ARHGEF3: variants seen among roughly 807,000 people sequenced by gnomAD.
ARHGEF3 encodes the protein 59.8 kDA protein.
ARHGEF3 carries 28 observed loss-of-function variants against 63.2 expected under a neutral mutation model. The observed-to-expected ratio is 0.44, with a 90% CI of 0.33 to 0.61. ARHGEF3 has a LOEUF of 0.61. Ranked by LOEUF, ARHGEF3 falls within the 20% of genes least tolerant of loss-of-function variation. The probability of loss-of-function intolerance (pLI) is 0.03; values close to 1 mark genes in which losing one functional copy is unlikely to be tolerated. For missense variants in ARHGEF3, 533 were observed against 659.3 expected (o/e 0.81, Z 2.10); for synonymous variants, 266 against 254.2 (o/e 1.05, Z -0.44).
chr3:57,076,376 A>G (rs537698243), intron 1 of ARHGEF3, among the ~76,000 whole-genome samples: 72 of 152,296 alleles, frequency 4.7e-4, no homozygotes, highest in African/African-American at 1.6e-3. Flanking sequence ...ATGGCAGAGA[A>G]CTTTAGAGAT....
intron 3 of ARHGEF3, among the ~76,000 whole-genome samples, chr3:56,888,903 C>CAAAAAA (rs61452676): frequency 1.5e-5 from 2 of 135,520 alleles, no homozygotes; most frequent in Non-Finnish European, 1.7e-5. Flanking sequence ...AACTCCATCT[C>CAAAAAA]AAAAAAAAAC....
At chr3:56,861,059 G>A (rs958665287) in intron 4 of ARHGEF3, among the ~76,000 whole-genome samples, 2 of 152,212 alleles carry the variant, frequency 1.3e-5, no homozygotes, top group African/African-American at 4.8e-5. Flanking sequence ...AGAGGCCCCT[G>A]TGCAAATCTG....
chr3:56,761,529 T>C (rs533161826), intron 2 of ARHGEF3, among the ~76,000 whole-genome samples: 1 of 152,276 alleles, frequency 6.6e-6, no homozygotes, highest in Non-Finnish European at 1.5e-5. Flanking sequence ...GGTAAACTCC[T>C]TGAAGGCAGG....
intron 2 of ARHGEF3, among the ~76,000 whole-genome samples, chr3:56,984,148 A>G (rs1197671186): frequency 6.6e-6 from 1 of 152,058 alleles, no homozygotes; most frequent in East Asian, 1.9e-4. Context: ...AAGAGCTTAC[A>G]CAACCACTGA....
chr3:56,838,131 T>C (rs1161878489), intron 4 of ARHGEF3, among the ~76,000 whole-genome samples: 6 of 152,194 alleles, frequency 3.9e-5, no homozygotes, highest in Admixed American at 3.9e-4. Context: ...ACATGTAACA[T>C]TATGTAGCCT....
chr3:56,842,305 G>T (rs938011766), intron 4 of ARHGEF3, among the ~76,000 whole-genome samples: 3 of 152,126 alleles, frequency 2.0e-5, no homozygotes, highest in African/African-American at 7.2e-5. Context: ...AGAAAAAATT[G>T]TCCAGCTAGC....
rs760913113 is a variant in ARHGEF3 at position 57,043,940 on chromosome 3, G to C, written c.-27-8764C>G. Among the ~76,000 whole-genome samples the C allele has an allele frequency of 3.9e-4, 60 of 152,222 alleles. 1 individual carries two copies. Among genetic ancestry groups the C allele is most frequent in the South Asian group, 1.2e-3 (6 of 4,830 alleles). On this transcript the variant is annotated intron_variant, in intron 1 of 12. Coordinates refer to the ARHGEF3 transcript ENST00000338458. Reference sequence around the variant, plus strand: ...ACGCCAAACACTATGGAGGTTATGGGAGATTGCTGGGGCAAGAATTTGGAA... The same window carrying C: ...ACGCCAAACACTATGGAGGTTATGGCAGATTGCTGGGGCAAGAATTTGGAA...
intron 6 of ARHGEF3, among the ~76,000 whole-genome samples, chr3:56,745,712 C>T (rs891651400): frequency 2.0e-5 from 3 of 152,072 alleles, no homozygotes; most frequent in African/African-American, 7.2e-5. Context: ...CGCTCTGTCA[C>T]CCAGGCTGGT....
chr3:57,039,937 C>T (rs12494177), intron 1 of ARHGEF3, among the ~76,000 whole-genome samples: 53,149 of 151,886 alleles, frequency 0.35, 9,688 homozygotes, highest in East Asian at 0.58. Flanking sequence ...GAATGGCACC[C>T]GTGACCAGGG....
rs952590868 is a variant in ARHGEF3 at position 57,002,163 on chromosome 3, G to A, written c.62+32925C>T. The stretch of plus-strand genomic sequence containing the variant: ...CCTGACCTCGTGATCTGCCTGCCTC[G>A]GCCTCCCAAAGTGTTGGGATTACAG... On this transcript the variant is annotated intron_variant, in intron 2 of 12. Transcript: ENST00000338458. 7.3e-5 allele frequency among the ~76,000 whole-genome samples: 11 copies of A among 151,240 alleles called. 1 individual carries two copies. In the South Asian group the frequency reaches 1.9e-3, roughly 26 times the overall value.
chr3:56,810,436 G>T (rs777224756), intron 4 of ARHGEF3, among the ~76,000 whole-genome samples: 15 of 152,106 alleles, frequency 9.9e-5, no homozygotes, highest in Non-Finnish European at 2.2e-4. Flanking sequence ...CCAGCTACTC[G>T]GGAGGCTTGA....
At chr3:56,814,276 G>A (rs2038180946) in intron 4 of ARHGEF3, among the ~76,000 whole-genome samples, 1 of 152,068 alleles carries the variant, frequency 6.6e-6, no homozygotes, top group Admixed American at 6.5e-5. Flanking sequence ...GTAAACTTTC[G>A]TAAAACGTTA....
At chr3:56,747,869 A>G (rs2034487554) in intron 6 of ARHGEF3, among the ~76,000 whole-genome samples, 1 of 152,212 alleles carries the variant, frequency 6.6e-6, no homozygotes, top group Admixed American at 6.5e-5. Context: ...TTCAAAGCCT[A>G]ACTCACACAG....
At chr3:56,855,607 T>TG (rs1345767388) in intron 4 of ARHGEF3, among the ~76,000 whole-genome samples, 1 of 149,718 alleles carries the variant, frequency 6.7e-6, no homozygotes, top group African/African-American at 2.5e-5. Flanking sequence ...CGCTTGAACC[T>TG]GGGGGGCAGA....
At chr3:56,751,492 A>G in intron 4 of ARHGEF3, 96 bp from the exon 5 acceptor site, 6 of 990,900 alleles carry the variant, frequency 6.1e-6, no homozygotes, top group Non-Finnish European at 9.3e-6. Context: ...ATCCAATAAC[A>G]AAACTTCTGG....
In ARHGEF3 at chr3:56,907,883, G is replaced by A. The variant is rs1222659886; in HGVS notation, c.130-25529C>T. ...GCCTATCAGAGGGTGGAGGGTGGGAGGACAGGGAGGATTGGGAAAAATAAC... is the reference window on the plus strand; with the variant it reads ...GCCTATCAGAGGGTGGAGGGTGGGAAGACAGGGAGGATTGGGAAAAATAAC... On this transcript the variant is annotated intron_variant, in intron 3 of 12. Transcript: ENST00000338458. Among the ~76,000 whole-genome samples, 5 of 152,268 alleles carry A rather than the reference G, an allele frequency of 3.3e-5. No individual in the cohort carries two copies. In the East Asian group the frequency reaches 9.7e-4, roughly 29 times the overall value.
intron 2 of ARHGEF3, among the ~76,000 whole-genome samples, chr3:56,758,123 C>CA (rs113443437): frequency 0.075 from 11,379 of 150,880 alleles, 469 homozygotes; most frequent in East Asian, 0.11. Context: ...ATTAAAAATA[C>CA]AAAAAAAATT....
chr3:57,073,775 C>G (rs1706064354), intron 1 of ARHGEF3: 2 of 1,614,250 alleles, frequency 1.2e-6, no homozygotes. Context: ...TAGACTCTTC[C>G]AGACTCGTTC....
At chr3:56,972,125 A>G (rs918709962) in intron 2 of ARHGEF3, among the ~76,000 whole-genome samples, 6 of 152,074 alleles carry the variant, frequency 3.9e-5, no homozygotes, top group African/African-American at 1.5e-4. Flanking sequence ...ACACTTCTAG[A>G]ACCAATTCAG....
Sources: gnomAD v4.1 joint callset for allele counts (sites outside exome capture counted in the v4.1 genomes callset) on GRCh38, gnomAD v4.1.1 for gene constraint, MANE v1.5 for transcripts, NCBI Gene and HGNC (gene_info 2026-07-23, HGNC 2026-07-21) for gene names.